The following CDH2 variants were observed in gnomAD, a reference collection of about 807,000 sequenced individuals.
CDH2 encodes the protein cadherin 2.
Under a neutral mutation model 92.0 loss-of-function variants are expected in CDH2, and 17 were observed. That is an observed-to-expected ratio of 0.18 (90% CI 0.13 to 0.28). The LOEUF (loss-of-function observed/expected upper bound fraction) is 0.28, where lower values mean the gene tolerates loss of function less well. Ranked by LOEUF, CDH2 falls within the 10% of genes least tolerant of loss-of-function variation. The pLI is 1.00. For missense variants in CDH2, 862 were observed against 1,133.1 expected (o/e 0.76, Z 3.44); for synonymous variants, 419 against 415.9 (o/e 1.01, Z -0.09).
intron 2 of CDH2, among the ~76,000 whole-genome samples, chr18:28,116,071 G>A (rs950977446): frequency 7.9e-5 from 12 of 152,152 alleles, no homozygotes; most frequent in Middle Eastern, 3.2e-3. Context: ...TCACACCTGT[G>A]AATTCTAATG....
chr18:28,176,903 G>A, intron 1 of CDH2, 60 bp downstream of exon 1: 1 of 1,035,258 alleles, frequency 9.7e-7, no homozygotes, highest in Admixed American at 4.9e-5. Flanking sequence ...GGGAACAAAG[G>A]GACCCGGCGC....
intron 2 of CDH2, among the ~76,000 whole-genome samples, chr18:28,144,455 A>G (rs2016003788): frequency 6.6e-6 from 1 of 152,102 alleles, no homozygotes; most frequent in African/African-American, 2.4e-5. Flanking sequence ...ACTAACACAC[A>G]AGCCTTGTAA....
intron 2 of CDH2, among the ~76,000 whole-genome samples, chr18:28,042,745 C>T (rs2013972424): frequency 6.6e-6 from 1 of 152,122 alleles, no homozygotes; most frequent in Non-Finnish European, 1.5e-5. Context: ...ACAATGTTAG[C>T]ATTCCTTCTG....
chr18:28,138,201 T>A (rs1376054529), intron 2 of CDH2, among the ~76,000 whole-genome samples: 1 of 151,798 alleles, frequency 6.6e-6, no homozygotes, highest in East Asian at 1.9e-4. Context: ...GTCAGTGGGG[T>A]CTCCAGATAA....
intron 2 of CDH2, among the ~76,000 whole-genome samples, chr18:28,060,337 T>C (rs1490850305): frequency 6.6e-6 from 1 of 152,024 alleles, no homozygotes. Flanking sequence ...AGGCGCGTGC[T>C]ACCATACCCA....
intron 2 of CDH2, among the ~76,000 whole-genome samples, chr18:28,074,218 G>A (rs548771981): frequency 5.1e-4 from 77 of 152,192 alleles, no homozygotes; most frequent in Non-Finnish European, 9.4e-4. Context: ...ATCAAATGAG[G>A]CCATTCCTTG....
intron 6 of CDH2, among the ~76,000 whole-genome samples, chr18:27,942,179 C>T (rs1165901456): frequency 6.6e-6 from 1 of 152,126 alleles, no homozygotes; most frequent in Non-Finnish European, 1.5e-5. Context: ...GTTAGAATTA[C>T]AAAGTTCTTA....
At chr18:28,043,469 T>TATATATATATATATATATATAA (rs2013995636) in intron 2 of CDH2, among the ~76,000 whole-genome samples, 1 of 66,078 alleles carries the variant, frequency 1.5e-5, no homozygotes, top group Non-Finnish European at 3.0e-5. Context: ...TAAATATATA[T>TATATATATATATATATATATAA]ATATATATAT....
chr18:27,966,977 C>T (rs780433054), intron 14 of CDH2, among the ~76,000 whole-genome samples: 6 of 152,176 alleles, frequency 3.9e-5, no homozygotes, highest in Non-Finnish European at 8.8e-5. Flanking sequence ...ACATTATACA[C>T]TATAGTAATA....
At chr18:28,113,529 A>T (rs2015447271) in intron 2 of CDH2, among the ~76,000 whole-genome samples, 4 of 152,024 alleles carry the variant, frequency 2.6e-5, no homozygotes. Context: ...AAGACGTGGC[A>T]CAAATATTCT....
At chr18:28,128,004 A>C (rs2015705638) in intron 2 of CDH2, among the ~76,000 whole-genome samples, 1 of 152,206 alleles carries the variant, frequency 6.6e-6, no homozygotes, top group African/African-American at 2.4e-5. Flanking sequence ...AAAGATAAAC[A>C]GATGATCCAT....
intron 2 of CDH2, among the ~76,000 whole-genome samples, chr18:28,061,268 G>A (rs2014397484): frequency 6.6e-6 from 1 of 152,102 alleles, no homozygotes; most frequent in Non-Finnish European, 1.5e-5. Context: ...CCACAGTCAA[G>A]TCCACAAAAC....
chr18:28,083,853 A>G (rs954306789), intron 2 of CDH2, among the ~76,000 whole-genome samples: 1 of 152,260 alleles, frequency 6.6e-6, no homozygotes, highest in African/African-American at 2.4e-5. Flanking sequence ...ATTTTGAGAA[A>G]ACACTATGGT....
At chr18:28,091,695 G>A (rs539903240) in intron 2 of CDH2, among the ~76,000 whole-genome samples, 1 of 152,272 alleles carries the variant, frequency 6.6e-6, no homozygotes, top group East Asian at 1.9e-4. Context: ...GCTTTGGGAC[G>A]TTCTCATAGG....
chr18:28,080,592 T>A (rs934735485), intron 2 of CDH2, among the ~76,000 whole-genome samples: 3 of 152,188 alleles, frequency 2.0e-5, no homozygotes, highest in African/African-American at 7.2e-5. Flanking sequence ...TTACCATAAA[T>A]CTTAACAGAG....
chr18:27,958,492 TATAC>T (rs2011309356), intron 15 of CDH2, among the ~76,000 whole-genome samples: 3 of 141,502 alleles, frequency 2.1e-5, no homozygotes, highest in Non-Finnish European at 4.8e-5. Flanking sequence ...TATCTACAAA[TATAC>T]ATATTTATAT....
chr18:28,094,756 T>C (rs1340711867), intron 2 of CDH2, among the ~76,000 whole-genome samples: 1 of 131,048 alleles, frequency 7.6e-6, no homozygotes, highest in Non-Finnish European at 1.5e-5. Context: ...ATCGCACCAC[T>C]GCACTCCAGC....
rs753614802 is a variant in CDH2 at position 28,007,156 on chromosome 18, T to TAAAAAAAAA, written c.703-1172_703-1164dup. On this transcript the variant is annotated intron_variant, in intron 5 of 15. Coordinates refer to ENST00000269141, the MANE Select transcript of CDH2 (RefSeq NM_001792.5). The stretch of plus-strand genomic sequence containing the variant: ...GCCTGGGCAACAGAGTGAGACTCCA[T>TAAAAAAAAA]AAAAAAAAAATATATATATATATAT... Among the ~76,000 whole-genome samples, 93 of 106,586 alleles carry TAAAAAAAAA rather than the reference T, an allele frequency of 8.7e-4. 3 individuals are homozygous for TAAAAAAAAA. The highest frequency in any genetic ancestry group is 3.6e-3 in the African/African-American group (84 of 23,638). 69.9% of individuals were successfully genotyped at this position (106,586 alleles called of 152,430 possible).
intron 4 of CDH2, among the ~76,000 whole-genome samples, chr18:28,010,505 G>A (rs2013064432): frequency 6.6e-6 from 1 of 152,092 alleles, no homozygotes; most frequent in Admixed American, 6.6e-5. Flanking sequence ...TAGGCTCACT[G>A]CCTTCTCCAA....
Sources: allele counts gnomAD v4.1 joint callset (sites outside exome capture counted in the v4.1 genomes callset), GRCh38; gene constraint gnomAD v4.1.1; transcripts MANE v1.5; gene names NCBI Gene and HGNC (gene_info 2026-07-23, HGNC 2026-07-21).